Variants in HUS1 observed in about 807,000 individuals in gnomAD.
HUS1 encodes the protein HUS1 checkpoint clamp component, also known as checkpoint protein HUS1.
Under a neutral mutation model 32.6 loss-of-function variants are expected in HUS1, and 31 were observed. The observed-to-expected ratio is 0.95, with a 90% CI of 0.72 to 1.28. The LOEUF is 1.28. HUS1 is among the 50% of genes most tolerant of loss of function. HUS1 has a pLI of 0.00. For missense variants in HUS1, 340 were observed against 337.7 expected (o/e 1.01, Z -0.05); for synonymous variants, 123 against 116.6 (o/e 1.06, Z -0.36).
intron 5 of HUS1, among the ~76,000 whole-genome samples, chr7:47,969,905 C>CT (rs1475979435): frequency 6.6e-6 from 1 of 152,138 alleles, no homozygotes; most frequent in Non-Finnish European, 1.5e-5. Context: ...TTTTGGTCCA[C>CT]TTTCACTCCT....
At chr7:47,976,130 C>A in intron 4 of HUS1, 1 of 343,916 alleles carries the variant, frequency 2.9e-6, no homozygotes, top group Non-Finnish European at 5.7e-6. Flanking sequence ...ACATCTGAGA[C>A]TGTTACCAAG....
rs1788429871 is a variant in HUS1, at chr7:47,964,250, C to T, written c.*1106G>A. 1 of 152,248 alleles carries T rather than the reference C, an allele frequency of 6.6e-6. No individual in the cohort carries two copies. Among genetic ancestry groups the T allele is most frequent in the South Asian group, 2.1e-4 (1 of 4,836 alleles). 9.4% of individuals were successfully genotyped at this position (152,248 alleles called of 1,614,324 possible). The stretch of plus-strand genomic sequence containing the variant: ...AAAATTAGCTGGGTGTGGTGGTGCA[C>T]ACCAGTAGTCCCAGCTAGTCAGGAA... On this transcript the variant is annotated 3_prime_UTR_variant, in exon 8 of 8. Transcript: ENST00000258774.
rs201035634 is a variant in HUS1 at position 47,965,347 on chromosome 7, G to A, written c.*9C>T. The A allele has an allele frequency of 3.9e-5, 63 of 1,601,658 alleles. No homozygotes were observed. Among genetic ancestry groups the A allele is most frequent in the Middle Eastern group, 1.7e-4 (1 of 6,034 alleles). ...AAAGTCTCTGCATGCCAACTCCAGC[G>A]ACAGGGTGCTAGGACAGCGCAGGGA... On this transcript the variant is annotated 3_prime_UTR_variant, in exon 8 of 8. Coordinates refer to ENST00000258774, the MANE Select transcript of HUS1 (RefSeq NM_004507.4).
intron 1 of HUS1, 106 bp downstream of exon 1, chr7:47,979,362 C>A: frequency 8.2e-7 from 1 of 1,224,062 alleles, no homozygotes; most frequent in Admixed American, 2.2e-5. Context: ...CCTCCCGCGG[C>A]CCCTTCCGGC....
rs111416166 is a variant in HUS1 at position 47,964,367 on chromosome 7, C to A, written c.*989G>T. ...TCCAGTCTGGGTGACAGAATGAGAC[C>A]GTCTCAAACAAAACAAAACAAGAAA... On this transcript the variant is annotated 3_prime_UTR_variant, in exon 8 of 8. Transcript: ENST00000258774. The A allele has an allele frequency of 6.6e-6, 1 of 152,132 alleles. No individual in the cohort carries two copies. The highest frequency in any genetic ancestry group is 1.5e-5 in the Non-Finnish European group (1 of 68,042). The allele number at this position is 152,132 out of a possible 1,614,324, so 9.4% of individuals were successfully genotyped here.
At chr7:47,969,108 G>A (rs988290837) in intron 6 of HUS1, 111 bp downstream of exon 6, 2 of 620,880 alleles carry the variant, frequency 3.2e-6, no homozygotes, top group African/African-American at 3.7e-5. Flanking sequence ...ACCCAAGCAT[G>A]AAACAAAGTC....
At position 47,978,405 on chromosome 7, in the gene HUS1, T is replaced by C; in HGVS notation, c.357+12A>G. 6.2e-7 allele frequency: 1 copy of C among 1,608,302 alleles called. No homozygotes were observed. On this transcript the variant is annotated intron_variant, in intron 3 of 7. Transcript: ENST00000258774. ...AGACTTCTGTGTTAGAAACCCTGAC[T>C]CTCCTACTCACCAGCTCCACGGAGA...
chr7:47,967,873 G>A lies in HUS1; in HGVS notation c.693C>T (p.His231=), dbSNP rs1157160929. Residue 231 remains histidine (H), a synonymous_variant, in exon 7 of 8, where the codon CAC becomes CAT. Transcript: ENST00000258774. ...ACTGTAGGAGCTTCCTAATATCTAT[G>A]TGCACTTCAGCCATGTGTTCCACGT... ...DRNVEHMAEV[H]IDIRKLLQFL... is the part of the protein sequence containing the mutation. The A allele has an allele frequency of 6.2e-7, 1 of 1,613,892 alleles. No homozygotes were observed. The highest frequency in any genetic ancestry group is 2.2e-5 in the East Asian group (1 of 44,874).
intron 5 of HUS1, among the ~76,000 whole-genome samples, chr7:47,972,555 G>GT (rs1788619508): frequency 1.3e-5 from 2 of 152,236 alleles, no homozygotes; most frequent in South Asian, 4.1e-4. Flanking sequence ...GATTTCTTAA[G>GT]TATCAGGGTA....
intron 3 of HUS1, 70 bp from the exon 4 acceptor site, chr7:47,976,907 ACCCGGG>A: frequency 9.7e-7 from 1 of 1,029,186 alleles, no homozygotes; most frequent in Non-Finnish European, 1.5e-6. Context: ...AAACCCGAAG[ACCCGGG>A]ACAAAAAAGT....
Position 47,963,828 on chromosome 7 carries a change from C to T in HUS1, c.*1528G>A, listed in dbSNP as rs1474910754. On this transcript the variant is annotated 3_prime_UTR_variant, in exon 8 of 8. Coordinates refer to ENST00000258774, the MANE Select transcript of HUS1 (RefSeq NM_004507.4). ...GGCTGAGGCAGGAGAATCGCTTGAA[C>T]TTGGGAAGTGGAGGCTGCAGTAAGC... 1 of 152,000 alleles carries T rather than the reference C, an allele frequency of 6.6e-6. No homozygotes were observed. Among genetic ancestry groups the T allele is most frequent in the Admixed American group, 6.6e-5 (1 of 15,266 alleles). 9.4% of individuals were successfully genotyped at this position (152,000 alleles called of 1,614,324 possible). A position where few individuals can be genotyped will look rare whatever the true frequency, so the allele number is the denominator to read the frequency against.
intron 5 of HUS1, among the ~76,000 whole-genome samples, chr7:47,970,232 CAAAAAAAAAA>C (rs777331089): frequency 1.5e-4 from 7 of 47,842 alleles, no homozygotes; most frequent in African/African-American, 4.3e-4. Flanking sequence ...GACTCTGTCT[CAAAAAAAAAA>C]AAAAAAAAAA....
chr7:47,967,233 C>G (rs1210376675), intron 7 of HUS1, among the ~76,000 whole-genome samples: 1 of 152,152 alleles, frequency 6.6e-6, no homozygotes, highest in Non-Finnish European at 1.5e-5. Context: ...GCAGGTAATG[C>G]CTTTCTCATG....
chr7:47,971,444 A>T (rs1788598367), intron 5 of HUS1: 2 of 456,594 alleles, frequency 4.4e-6, no homozygotes. Context: ...TCCACAGGTC[A>T]CAAGGGACTC....
chr7:47,969,861 T>C (rs992849371), intron 5 of HUS1, among the ~76,000 whole-genome samples: 1 of 152,204 alleles, frequency 6.6e-6, no homozygotes, highest in East Asian at 1.9e-4. Flanking sequence ...TTACAAAGAA[T>C]AGAGAATTCT....
chr7:47,966,153 G>C (rs1788474044), intron 7 of HUS1, among the ~76,000 whole-genome samples: 1 of 152,076 alleles, frequency 6.6e-6, no homozygotes, highest in African/African-American at 2.4e-5. Flanking sequence ...CATTCTTTAG[G>C]AGAGGTGGTG....
chr7:47,977,520 C>T (rs1159471798), intron 3 of HUS1, among the ~76,000 whole-genome samples: 1 of 152,106 alleles, frequency 6.6e-6, no homozygotes, highest in Non-Finnish European at 1.5e-5. Context: ...ATAGAAAAAA[C>T]ATACCAAACT....
At chr7:47,973,262 A>C (rs1324688446) in intron 5 of HUS1, among the ~76,000 whole-genome samples, 1 of 152,206 alleles carries the variant, frequency 6.6e-6, no homozygotes, top group Non-Finnish European at 1.5e-5. Context: ...TAATACAGGC[A>C]CACATCACAA....
intron 5 of HUS1, among the ~76,000 whole-genome samples, chr7:47,973,065 T>C (rs1440622551): frequency 6.6e-6 from 1 of 152,076 alleles, no homozygotes; most frequent in Non-Finnish European, 1.5e-5. Flanking sequence ...AAAATGGCAG[T>C]TTTTCCTGTG....
Sources: allele counts gnomAD v4.1 joint callset (sites outside exome capture counted in the v4.1 genomes callset), GRCh38; gene constraint gnomAD v4.1.1; transcripts MANE v1.5; gene names NCBI Gene and HGNC (gene_info 2026-07-23, HGNC 2026-07-21).